USH2A: variants seen among roughly 807,000 people sequenced by gnomAD.
USH2A encodes usherin.
Under a neutral mutation model 538.9 loss-of-function variants are expected in USH2A, and 443 were observed. That is an observed-to-expected ratio of 0.82 (90% CI 0.76 to 0.89). The LOEUF (loss-of-function observed/expected upper bound fraction) is 0.89. Ranked by LOEUF, USH2A falls within the 40% of genes least tolerant of loss-of-function variation. USH2A has a pLI of 0.00. For synonymous variants in USH2A, 2,413 were observed against 2,273.5 expected (o/e 1.06, Z -1.75); for missense variants, 6,633 against 6,324.8 (o/e 1.05, Z -1.65).
chr1:215,936,126 A>G (rs549231984), intron 37 of USH2A, among the ~76,000 whole-genome samples: 2 of 152,122 alleles, frequency 1.3e-5, no homozygotes, highest in African/African-American at 4.8e-5. Flanking sequence ...TCAATCTTTC[A>G]CACACAAATT....
chr1:216,231,626 G>A (rs1042975936), intron 14 of USH2A, among the ~76,000 whole-genome samples: 1 of 151,506 alleles, frequency 6.6e-6, no homozygotes, highest in African/African-American at 2.4e-5. Context: ...TCGGCTCACT[G>A]CAACCTACCC....
rs1195188357 is a variant in USH2A, at chr1:215,782,834, C to T, written c.10489G>A (p.Asp3497Asn). 2.5e-6 allele frequency: 4 copies of T among 1,613,972 alleles called. No homozygotes were observed. The South Asian group carries it at 4.4e-5, about 18-fold the overall frequency. The change falls in exon 53 of 72, where the codon GAT becomes AAT. Residue 3497 changes from aspartate to asparagine, a missense_variant. Coordinates refer to ENST00000307340, the MANE Select transcript of USH2A (RefSeq NM_206933.4). ...GGGGGACTCACTCCTTGAGGCACAT[C>T]TTCTTTTGTTCTGGCTCTCACAGCT... Reference protein sequence around the residue: ...SKAVRARTKEDVPQGVSPPTW... With the variant: ...SKAVRARTKENVPQGVSPPTW...
At chr1:215,953,912 C>T (rs1260035416) in intron 37 of USH2A, among the ~76,000 whole-genome samples, 1 of 152,128 alleles carries the variant, frequency 6.6e-6, no homozygotes, top group Non-Finnish European at 1.5e-5. Context: ...AGGATATGAA[C>T]AGACACTTCT....
At chr1:216,351,055 G>C (rs772798971) in intron 4 of USH2A, among the ~76,000 whole-genome samples, 1 of 152,006 alleles carries the variant, frequency 6.6e-6, no homozygotes, top group Admixed American at 6.6e-5. Context: ...GCTGCCCATC[G>C]ATTCATTTAC....
At chr1:216,358,511 T>C (rs1450993697) in intron 4 of USH2A, among the ~76,000 whole-genome samples, 1 of 152,120 alleles carries the variant, frequency 6.6e-6, no homozygotes, top group Non-Finnish European at 1.5e-5. Flanking sequence ...AAGAAAATGA[T>C]TTATAATAAG....
chr1:216,390,921 A>G (rs972283333), intron 3 of USH2A, among the ~76,000 whole-genome samples: 1 of 152,220 alleles, frequency 6.6e-6, no homozygotes, highest in African/African-American at 2.4e-5. Flanking sequence ...AAATAATTAA[A>G]TTGAATCATT....
At chr1:216,370,376 G>GA (rs989308328) in intron 3 of USH2A, among the ~76,000 whole-genome samples, 12 of 149,092 alleles carry the variant, frequency 8.0e-5, no homozygotes, top group Admixed American at 6.0e-4. Flanking sequence ...AGAAAAAAAA[G>GA]AAAAAAAGAA....
rs1014004919 is a variant in USH2A, at chr1:215,692,942, T to G, written c.12067-12566A>C. 2.0e-5 allele frequency among the ~76,000 whole-genome samples: 3 copies of G among 151,870 alleles called. No individual in the cohort carries two copies. In the South Asian group the frequency reaches 6.3e-4, roughly 32 times the overall value. ...TTTTTGAGACAGAGTCTCACTCTGT[T>G]GCCCGGGTTGGAGTATTGTGGCATG... On this transcript the variant is annotated intron_variant, in intron 61 of 71. Coordinates refer to ENST00000307340, the MANE Select transcript of USH2A (RefSeq NM_206933.4).
intron 47 of USH2A, among the ~76,000 whole-genome samples, chr1:215,820,776 A>G (rs1265695600): frequency 1.3e-5 from 2 of 151,622 alleles, no homozygotes; most frequent in African/African-American, 4.8e-5. Flanking sequence ...GTAATCACCA[A>G]TCTACTCTCT....
intron 4 of USH2A, among the ~76,000 whole-genome samples, chr1:216,331,908 G>T (rs1439700209): frequency 2.6e-5 from 4 of 152,102 alleles, no homozygotes; most frequent in Non-Finnish European, 5.9e-5. Context: ...GGGAACACTG[G>T]CAAAGAATAT....
At chr1:216,060,016 C>T (rs1389235367) in intron 30 of USH2A, among the ~76,000 whole-genome samples, 4 of 152,182 alleles carry the variant, frequency 2.6e-5, no homozygotes, top group Non-Finnish European at 4.4e-5. Context: ...CACTGCCTCT[C>T]TTTCTTCACT....
intron 52 of USH2A, among the ~76,000 whole-genome samples, chr1:215,783,299 A>G (rs1401758155): frequency 1.3e-5 from 2 of 152,200 alleles, no homozygotes; most frequent in African/African-American, 4.8e-5. Flanking sequence ...ATTCTTTTAT[A>G]GTTTTAGTAT....
At chr1:216,007,289 T>C (rs982361562) in intron 32 of USH2A, among the ~76,000 whole-genome samples, 1 of 151,898 alleles carries the variant, frequency 6.6e-6, no homozygotes, top group Non-Finnish European at 1.5e-5. Context: ...AATTATAAAA[T>C]CAGAATTTAA....
chr1:215,707,821 T>G (rs746645958), intron 61 of USH2A, among the ~76,000 whole-genome samples: 19 of 152,244 alleles, frequency 1.2e-4, no homozygotes, highest in Middle Eastern at 3.4e-3. Flanking sequence ...GAGAAATACA[T>G]GGGAACCAAG....
At chr1:215,743,386 A>ATATATATATATATATATATATATATGTG (rs878870284) in intron 58 of USH2A, 51 bp from the exon 59 acceptor site, 5 of 309,960 alleles carry the variant, frequency 1.6e-5, no homozygotes, top group Admixed American at 1.2e-4. Flanking sequence ...ATATATATAT[A>ATATATATATATATATATATATATATGTG]TGTGTGTGTG....
Position 215,756,939 on chromosome 1 carries a change from C to CAAAT in USH2A, c.11389+1652_11389+1655dup, listed in dbSNP as rs71159884. 1.9e-3 allele frequency among the ~76,000 whole-genome samples: 272 copies of CAAAT among 145,058 alleles called. 1 individual carries two copies. The highest frequency in any genetic ancestry group is 9.9e-3 in the South Asian group (44 of 4,448). ...CAAAATAAACAAACAAACAAACAAA[C>CAAAT]AAATAAATAAATAAATAAATAAATA... is the stretch of plus-strand genomic sequence containing the variant. On this transcript the variant is annotated intron_variant, in intron 58 of 71. Transcript: ENST00000307340.
At chr1:215,693,836 C>T (rs540734086) in intron 61 of USH2A, among the ~76,000 whole-genome samples, 1 of 152,206 alleles carries the variant, frequency 6.6e-6, no homozygotes, top group African/African-American at 2.4e-5. Flanking sequence ...CCTGGCAGAG[C>T]CCCTGAAAGA....
intron 21 of USH2A, among the ~76,000 whole-genome samples, chr1:216,125,140 CA>C (rs1395465769): frequency 6.6e-6 from 1 of 151,558 alleles, no homozygotes; most frequent in Non-Finnish European, 1.5e-5. Flanking sequence ...ACCTTAATAT[CA>C]AAAGGGCTCT....
chr1:216,094,163 T>G (rs930762741), intron 22 of USH2A, among the ~76,000 whole-genome samples: 1 of 152,206 alleles, frequency 6.6e-6, no homozygotes, highest in African/African-American at 2.4e-5. Context: ...GTCTTCTATT[T>G]TACTGTACTC....
Sources: allele counts gnomAD v4.1 joint callset (sites outside exome capture counted in the v4.1 genomes callset), GRCh38; gene constraint gnomAD v4.1.1; transcripts MANE v1.5; gene names NCBI Gene and HGNC (gene_info 2026-07-23, HGNC 2026-07-21).